Variants in CELF4 observed in about 807,000 individuals in gnomAD.
CELF4 encodes CUGBP Elav-like family member 4.
In CELF4, 18 loss-of-function variants were observed where a neutral mutation model predicts 59.9. The observed-to-expected ratio is 0.30, with a 90% CI of 0.21 to 0.45. The LOEUF (loss-of-function observed/expected upper bound fraction) is 0.45. Among genes scored for constraint, CELF4 ranks in the 20% least tolerant of loss-of-function variants. The probability of loss-of-function intolerance (pLI) is 1.00; values close to 1 mark genes in which losing one functional copy is unlikely to be tolerated. For synonymous variants in CELF4, 261 were observed against 267.1 expected (o/e 0.98, Z 0.22); for missense variants, 456 against 689.0 (o/e 0.66, Z 3.79).
At chr18:37,425,405 G>A (rs2099605637) in intron 2 of CELF4, among the ~76,000 whole-genome samples, 1 of 152,258 alleles carries the variant, frequency 6.6e-6, no homozygotes, top group Non-Finnish European at 1.5e-5. Context: ...GCCAGCTGCA[G>A]GGAGGGTGCC....
At chr18:37,482,549 C>A (rs2099870890) in intron 2 of CELF4, among the ~76,000 whole-genome samples, 1 of 152,204 alleles carries the variant, frequency 6.6e-6, no homozygotes, top group African/African-American at 2.4e-5. Context: ...CCTGCTCAGG[C>A]TGGTTCCCAG....
chr18:37,362,638 C>T (rs1469985408), intron 2 of CELF4, among the ~76,000 whole-genome samples: 1 of 151,122 alleles, frequency 6.6e-6, no homozygotes, highest in African/African-American at 2.4e-5. Flanking sequence ...TCCATGGGTA[C>T]CCTAGCTCGA....
intron 3 of CELF4, 79 bp from the exon 4 acceptor site, chr18:37,275,322 C>A (rs1364666106): frequency 8.4e-7 from 1 of 1,191,458 alleles, no homozygotes; most frequent in South Asian, 1.9e-5. Context: ...AGGGGGAGAG[C>A]GGCAGGGAAA....
chr18:37,423,061 C>T (rs529132975), intron 2 of CELF4, among the ~76,000 whole-genome samples: 2,728 of 96,886 alleles, frequency 0.028, 78 homozygotes, highest in African/African-American at 0.073. Flanking sequence ...CATGCGCGCG[C>T]GCGCACACAC....
intron 3 of CELF4, among the ~76,000 whole-genome samples, chr18:37,287,929 G>A (rs561277948): frequency 6.6e-6 from 1 of 152,336 alleles, no homozygotes; most frequent in Admixed American, 6.5e-5. Context: ...GTGGATGGAT[G>A]GGTGGCCAGG....
At chr18:37,565,292 G>A (rs1251829803) in intron 1 of CELF4, 64 bp downstream of exon 1, 16 of 1,454,970 alleles carry the variant, frequency 1.1e-5, no homozygotes, top group Admixed American at 2.4e-5. Flanking sequence ...GTCGCCGGCC[G>A]GCCGGTCGGC....
intron 2 of CELF4, among the ~76,000 whole-genome samples, chr18:37,390,807 A>AGGGGGGGGGGGGGG (rs1004031145): frequency 1.8e-5 from 1 of 57,086 alleles, no homozygotes; most frequent in Non-Finnish European, 3.2e-5. Context: ...TGGGGCGGGG[A>AGGGGGGGGGGGGGG]GGGGGGGCAG....
intron 3 of CELF4, among the ~76,000 whole-genome samples, chr18:37,281,711 A>T (rs2094161423): frequency 6.6e-6 from 1 of 152,134 alleles, no homozygotes; most frequent in Non-Finnish European, 1.5e-5. Context: ...AGTGACAGGG[A>T]CTGGGCAAGA....
intron 2 of CELF4, among the ~76,000 whole-genome samples, chr18:37,413,662 A>G (rs1211816987): frequency 6.6e-6 from 1 of 152,190 alleles, no homozygotes; most frequent in Non-Finnish European, 1.5e-5. Context: ...GAGTCCTGAG[A>G]GGGCACCTCA....
At chr18:37,266,785 G>A (rs1020319039) in intron 8 of CELF4, among the ~76,000 whole-genome samples, 187 bp from the exon 9 acceptor site, 1 of 152,218 alleles carries the variant, frequency 6.6e-6, no homozygotes, top group Non-Finnish European at 1.5e-5. Flanking sequence ...CCCTAGCCCA[G>A]GGCTCTTGGC....
chr18:37,371,384 C>G (rs1351560466), intron 2 of CELF4, among the ~76,000 whole-genome samples: 1 of 152,232 alleles, frequency 6.6e-6, no homozygotes. Flanking sequence ...GGACCAATAA[C>G]TGGCCAGAAG....
chr18:37,377,071 A>T (rs1383411060), intron 2 of CELF4, among the ~76,000 whole-genome samples: 3 of 152,146 alleles, frequency 2.0e-5, no homozygotes, highest in African/African-American at 7.2e-5. Context: ...AGAAATAAAA[A>T]AGGAAGAGAA....
At chr18:37,373,714 G>A (rs1461857552) in intron 2 of CELF4, among the ~76,000 whole-genome samples, 1 of 152,212 alleles carries the variant, frequency 6.6e-6, no homozygotes, top group African/African-American at 2.4e-5. Flanking sequence ...TCTAACAGTG[G>A]GAGGGGCTGG....
intron 3 of CELF4, among the ~76,000 whole-genome samples, chr18:37,318,530 C>A (rs1414125938): frequency 6.0e-5 from 9 of 151,024 alleles, no homozygotes; most frequent in Non-Finnish European, 1.2e-4. Context: ...AAAAAAAAAA[C>A]CACACAGCTT....
intron 1 of CELF4, among the ~76,000 whole-genome samples, chr18:37,526,310 A>T (rs2099963772): frequency 6.6e-6 from 1 of 152,216 alleles, no homozygotes; most frequent in South Asian, 2.1e-4. Flanking sequence ...GCTGTGAGTA[A>T]GCATGTCAAT....
intron 1 of CELF4, among the ~76,000 whole-genome samples, chr18:37,563,063 A>T (rs973888439): frequency 6.6e-6 from 1 of 150,906 alleles, no homozygotes; most frequent in African/African-American, 2.4e-5. Flanking sequence ...ATCGATATCT[A>T]TATCTATATA....
At chr18:37,502,036 A>G (rs2099932436) in intron 1 of CELF4, among the ~76,000 whole-genome samples, 1 of 152,182 alleles carries the variant, frequency 6.6e-6, no homozygotes, top group South Asian at 2.1e-4. Flanking sequence ...TCTCAGCAGC[A>G]TGGGCTGCCT....
intron 2 of CELF4, among the ~76,000 whole-genome samples, chr18:37,387,451 G>A (rs946608301): frequency 5.3e-5 from 8 of 152,196 alleles, no homozygotes; most frequent in African/African-American, 7.2e-5. Context: ...CTCTTCTCAC[G>A]GGAGGCTGTT....
intron 2 of CELF4, among the ~76,000 whole-genome samples, chr18:37,414,146 A>G (rs186701963): frequency 6.6e-6 from 1 of 152,260 alleles, no homozygotes; most frequent in Non-Finnish European, 1.5e-5. Flanking sequence ...CATTGACTGA[A>G]AACAGTATAA....
Sources: allele counts gnomAD v4.1 joint callset (sites outside exome capture counted in the v4.1 genomes callset), GRCh38; gene constraint gnomAD v4.1.1; transcripts MANE v1.5; gene names NCBI Gene and HGNC (gene_info 2026-07-23, HGNC 2026-07-21).